Variants in BTRC observed in about 807,000 individuals in gnomAD.
BTRC encodes F-box/WD repeat-containing protein 1A.
In BTRC, 42 loss-of-function variants were observed where a neutral mutation model predicts 85.5. That is an observed-to-expected ratio of 0.49 (90% confidence interval 0.38 to 0.64). The LOEUF is 0.64. Among genes scored for constraint, BTRC ranks in the 30% least tolerant of loss-of-function variants. The pLI, the probability that BTRC is intolerant of heterozygous loss-of-function variation, is 0.00. For missense variants in BTRC, 594 were observed against 743.5 expected (o/e 0.80, Z 2.34); for synonymous variants, 255 against 263.3 (o/e 0.97, Z 0.30).
chr10:101,485,898 A>G (rs1465319901), intron 4 of BTRC, among the ~76,000 whole-genome samples: 2 of 152,178 alleles, frequency 1.3e-5, no homozygotes, highest in African/African-American at 4.8e-5. Context: ...TGACTGCAGT[A>G]TTGCCTGCTG....
chr10:101,505,523 G>A (rs1946513017), intron 4 of BTRC, among the ~76,000 whole-genome samples: 1 of 151,618 alleles, frequency 6.6e-6, no homozygotes, highest in Non-Finnish European at 1.5e-5. Flanking sequence ...AGGAAGCTGA[G>A]GCAGGAGAAT....
At chr10:101,454,254 T>G (rs1186086354) in intron 2 of BTRC, among the ~76,000 whole-genome samples, 1 of 152,232 alleles carries the variant, frequency 6.6e-6, no homozygotes, top group African/African-American at 2.4e-5. Context: ...CCAGTAATCT[T>G]TCAATCTTAC....
intron 13 of BTRC, among the ~76,000 whole-genome samples, chr10:101,548,449 G>A (rs1043868853): frequency 1.3e-5 from 2 of 152,196 alleles, no homozygotes; most frequent in African/African-American, 4.8e-5. Context: ...TTATAATGTT[G>A]ACTAAAAGAA....
chr10:101,379,191 A>G (rs1310957368), intron 1 of BTRC, among the ~76,000 whole-genome samples: 1 of 152,216 alleles, frequency 6.6e-6, no homozygotes, highest in African/African-American at 2.4e-5. Context: ...TCAGAGTTTG[A>G]AAGTAGAAAC....
intron 4 of BTRC, among the ~76,000 whole-genome samples, chr10:101,493,505 T>C (rs2134266850): frequency 6.6e-6 from 1 of 152,330 alleles, no homozygotes; most frequent in South Asian, 2.1e-4. Context: ...AACCACTGTG[T>C]TTGTGAATTT....
At chr10:101,388,255 G>A (rs144680753) in intron 1 of BTRC, among the ~76,000 whole-genome samples, 8,003 of 151,754 alleles carry the variant, frequency 0.053, 690 homozygotes, top group African/African-American at 0.18. Context: ...TCAACCTCCT[G>A]GGCTCAAGTG....
rs1015403067 is a variant in BTRC at position 101,526,282 on chromosome 10, G to A, written c.743+83G>A. On this transcript the variant is annotated intron_variant, in intron 6 of 14. Transcript: ENST00000370187. ...ACTGAAAGATTTTTGGGGAGCCAATGAGACCACTTCTCATTTAATATGGTG... is the reference window on the plus strand; with the variant it reads ...ACTGAAAGATTTTTGGGGAGCCAATAAGACCACTTCTCATTTAATATGGTG... The A allele has an allele frequency of 3.2e-5, 40 of 1,231,436 alleles. No homozygotes were observed. In the South Asian group the frequency reaches 5.6e-4, roughly 17 times the overall value. 76.3% of individuals were successfully genotyped at this position (1,231,436 alleles called of 1,614,324 possible).
intron 2 of BTRC, among the ~76,000 whole-genome samples, chr10:101,442,984 C>G (rs1156473251): frequency 6.6e-6 from 1 of 150,570 alleles, no homozygotes; most frequent in Non-Finnish European, 1.5e-5. Context: ...CGGGTTCACA[C>G]CATTCCCCTG....
chr10:101,365,509 C>G (rs1030902573), intron 1 of BTRC, among the ~76,000 whole-genome samples: 7 of 151,228 alleles, frequency 4.6e-5, no homozygotes, highest in African/African-American at 1.7e-4. Context: ...AAGTTTCGCT[C>G]TTGTTGCACA....
At chr10:101,369,011 T>A (rs1942558141) in intron 1 of BTRC, among the ~76,000 whole-genome samples, 2 of 152,106 alleles carry the variant, frequency 1.3e-5, no homozygotes, top group African/African-American at 4.8e-5. Context: ...AGAGCGAGAC[T>A]CCATCTTAAA....
At chr10:101,535,646 C>G (rs2062374508) in intron 11 of BTRC, among the ~76,000 whole-genome samples, 174 bp downstream of exon 11, 2 of 152,312 alleles carry the variant, frequency 1.3e-5, no homozygotes, top group East Asian at 3.9e-4. Context: ...CACAGCAAAG[C>G]CTTTTGTTGC....
rs1046551524 is a variant in BTRC at position 101,462,059 on chromosome 10, G to A, written c.234+1G>A. The A allele has an allele frequency of 1.9e-6, 3 of 1,605,604 alleles. No individual in the cohort carries two copies. Among genetic ancestry groups the A allele is most frequent in the South Asian group, 2.2e-5 (2 of 90,546 alleles). ...ACCAGAGAAGAATTCACTTAGACAGGTATGAAATTCAGCCTTACTTAAAAT... is the reference window on the plus strand; with the variant it reads ...ACCAGAGAAGAATTCACTTAGACAGATATGAAATTCAGCCTTACTTAAAAT... On this transcript the variant is annotated splice_donor_variant, in intron 3 of 14. Coordinates refer to ENST00000370187, the MANE Select transcript of BTRC (RefSeq NM_033637.4). LOFTEE classifies it high-confidence loss of function.
At chr10:101,394,502 T>C (rs1330734102) in intron 1 of BTRC, among the ~76,000 whole-genome samples, 1 of 152,206 alleles carries the variant, frequency 6.6e-6, no homozygotes, top group African/African-American at 2.4e-5. Context: ...AAGACTCAGT[T>C]GTCTAGTTTC....
intron 4 of BTRC, among the ~76,000 whole-genome samples, chr10:101,520,164 G>C (rs2062082589): frequency 6.6e-6 from 1 of 151,922 alleles, no homozygotes; most frequent in South Asian, 2.1e-4. Flanking sequence ...TGTTTGGGGG[G>C]ACAGAGTCTC....
At chr10:101,549,606 C>A (rs562157334) in intron 13 of BTRC, among the ~76,000 whole-genome samples, 2 of 147,716 alleles carry the variant, frequency 1.4e-5, no homozygotes, top group Non-Finnish European at 3.0e-5. Context: ...CCCAGCTACT[C>A]GGGAGGCTGA....
At chr10:101,371,161 A>T (rs1468232563) in intron 1 of BTRC, among the ~76,000 whole-genome samples, 4 of 126,740 alleles carry the variant, frequency 3.2e-5, no homozygotes, top group Admixed American at 8.1e-5. Context: ...GGCAACCACT[A>T]TTCTTTTTTT....
At chr10:101,412,191 G>A (rs989872890) in intron 1 of BTRC, among the ~76,000 whole-genome samples, 3 of 152,192 alleles carry the variant, frequency 2.0e-5, no homozygotes, top group Non-Finnish European at 2.9e-5. Context: ...ACTGAGTCAG[G>A]GGTGTCCTAT....
Position 101,550,789 on chromosome 10 carries a change from C to T in BTRC, c.1747C>T (p.Leu583=), listed in dbSNP as rs765044690. Residue 583 remains leucine, a synonymous_variant, in exon 14 of 15, where the codon CTA becomes TTA. Coordinates refer to ENST00000370187, the MANE Select transcript of BTRC (RefSeq NM_033637.4). ...HDDTILIWDF[L]NDPAAQAEPP... ...TGACACAATCCTCATCTGGGACTTC[C>T]TAAATGATCCAGCTGCCCAAGCTGA... is the stretch of plus-strand genomic sequence containing the variant. The T allele has an allele frequency of 3.7e-6, 6 of 1,614,026 alleles. No homozygotes were observed. The highest frequency in any genetic ancestry group is 1.7e-6 in the Non-Finnish European group (2 of 1,179,966).
chr10:101,375,734 T>C (rs2133949718), intron 1 of BTRC, among the ~76,000 whole-genome samples: 1 of 152,370 alleles, frequency 6.6e-6, no homozygotes, highest in East Asian at 1.9e-4. Flanking sequence ...CACTTTACCC[T>C]GTATAGGAAT....
Sources: allele counts gnomAD v4.1 joint callset (sites outside exome capture counted in the v4.1 genomes callset), GRCh38; gene constraint gnomAD v4.1.1; transcripts MANE v1.5; gene names NCBI Gene and HGNC (gene_info 2026-07-23, HGNC 2026-07-21).